The following ARMC1 variants were observed in gnomAD, a reference collection of about 807,000 sequenced individuals.
ARMC1 encodes the protein armadillo repeat-containing protein 1.
In ARMC1, 16 loss-of-function variants were observed where a neutral mutation model predicts 31.4. The ratio of observed to expected loss-of-function variants is 0.51; its 90% CI spans 0.34 to 0.77. The LOEUF (loss-of-function observed/expected upper bound fraction) is 0.77, where lower values mean the gene tolerates loss of function less well. Ranked by LOEUF, ARMC1 falls within the 30% of genes least tolerant of loss-of-function variation. ARMC1 has a pLI of 0.01. For synonymous variants in ARMC1, 114 were observed against 118.9 expected (o/e 0.96, Z 0.27); for missense variants, 259 against 347.5 (o/e 0.75, Z 2.02).
At chr8:65,633,382 C>G (rs1462679621) in intron 1 of ARMC1, among the ~76,000 whole-genome samples, 1 of 152,230 alleles carries the variant, frequency 6.6e-6, no homozygotes, top group African/African-American at 2.4e-5. Flanking sequence ...TCTCACATAA[C>G]AATCCTCAGC....
chr8:65,618,462 C>A (rs1210330575), intron 3 of ARMC1, among the ~76,000 whole-genome samples: 2 of 144,542 alleles, frequency 1.4e-5, no homozygotes, highest in Non-Finnish European at 3.0e-5. Flanking sequence ...GCAGAGCTTG[C>A]AGTGAGCCAA....
intron 3 of ARMC1, among the ~76,000 whole-genome samples, chr8:65,619,258 G>A (rs1474782347): frequency 6.6e-6 from 1 of 152,170 alleles, no homozygotes; most frequent in East Asian, 1.9e-4. Flanking sequence ...GAGCAGGCCA[G>A]GGGTGGTGAT....
At chr8:65,607,235 G>A (rs1563411695) in intron 4 of ARMC1, among the ~76,000 whole-genome samples, 1 of 152,232 alleles carries the variant, frequency 6.6e-6, no homozygotes, top group East Asian at 1.9e-4. Context: ...GCAGGGGCCT[G>A]CATTTGGTGA....
chr8:65,603,489 T>G lies in ARMC1; in HGVS notation c.*905A>C, dbSNP rs756854669. The G allele has an allele frequency of 6.6e-6, 1 of 152,200 alleles. No homozygotes were observed. Among genetic ancestry groups the G allele is most frequent in the Non-Finnish European group, 1.5e-5 (1 of 68,030 alleles). The allele number at this position is 152,200 out of a possible 1,614,324, so 9.4% of individuals were successfully genotyped here. Reference sequence around the variant, plus strand: ...GCATTATGGTATTATAGGCATTTGATTTTTGTTTTCTTATTTTCAGTTTGT... The same window carrying G: ...GCATTATGGTATTATAGGCATTTGAGTTTTGTTTTCTTATTTTCAGTTTGT... On this transcript the variant is annotated 3_prime_UTR_variant, in exon 7 of 7. Coordinates refer to ENST00000276569, the MANE Select transcript of ARMC1 (RefSeq NM_018120.6).
chr8:65,616,852 C>G (rs1403509920), intron 3 of ARMC1, among the ~76,000 whole-genome samples: 1 of 151,290 alleles, frequency 6.6e-6, no homozygotes, highest in African/African-American at 2.4e-5. Context: ...AGCCCCTCCA[C>G]CCGGCAGCCG....
rs542450366 is a variant in ARMC1 at position 65,617,143 on chromosome 8, C to T, written c.276-3710G>A. On this transcript the variant is annotated intron_variant, in intron 3 of 6. Transcript: ENST00000276569. ...GGTGTACCCAACAGCTCATTGAGAA[C>T]GGGCCATGATGACGATGGCGGTTTT... Among the ~76,000 whole-genome samples the T allele has an allele frequency of 3.3e-5, 5 of 152,348 alleles. No individual in the cohort carries two copies. The South Asian group carries it at 8.3e-4, about 25-fold the overall frequency.
intron 3 of ARMC1, among the ~76,000 whole-genome samples, chr8:65,618,576 G>C (rs80097085): frequency 0.019 from 2,837 of 147,126 alleles, 28 homozygotes; most frequent in African/African-American, 0.027. Flanking sequence ...AAAACTCCAA[G>C]TGAAAAGTTT....
intron 2 of ARMC1, among the ~76,000 whole-genome samples, chr8:65,624,147 A>G (rs1426964173): frequency 2.0e-5 from 3 of 152,148 alleles, no homozygotes; most frequent in Non-Finnish European, 4.4e-5. Flanking sequence ...AAAAACAAAA[A>G]TGAATCTATA....
intron 1 of ARMC1, among the ~76,000 whole-genome samples, chr8:65,627,839 C>T (rs747735204): frequency 2.0e-4 from 30 of 152,198 alleles, no homozygotes; most frequent in African/African-American, 2.4e-5. Context: ...GGCTAGTTTA[C>T]AGCTTTCTTA....
Position 65,630,509 on chromosome 8 carries a change from A to C in ARMC1, c.-35-3076T>G, listed in dbSNP as rs186273675. On this transcript the variant is annotated intron_variant, in intron 1 of 6. Coordinates refer to ENST00000276569, the MANE Select transcript of ARMC1 (RefSeq NM_018120.6). The stretch of plus-strand genomic sequence containing the variant: ...TCCTGTTCCTTTGGGATGAATAAAA[A>C]TCAAAACAACTAAAACTTCCAATCT... Among the ~76,000 whole-genome samples the C allele has an allele frequency of 4.7e-3, 722 of 152,286 alleles. 5 individuals carry two copies. The highest frequency in any genetic ancestry group is 0.016 in the African/African-American group (670 of 41,566).
rs1807956079 is a variant in ARMC1 at position 65,604,388 on chromosome 8, G to A, written c.*6C>T. 3 of 1,612,188 alleles carry A rather than the reference G, an allele frequency of 1.9e-6. No homozygotes were observed. The highest frequency in any genetic ancestry group is 1.3e-5 in the African/African-American group (1 of 74,898). The stretch of plus-strand genomic sequence containing the variant: ...GTTCACACAGTCCTTGAGCCCAAAA[G>A]TGAAGTCACCAATAAAATGATCTGG... On this transcript the variant is annotated 3_prime_UTR_variant, in exon 7 of 7. Transcript: ENST00000276569.
rs539015370 is a variant in ARMC1 at position 65,617,020 on chromosome 8, G to A, written c.276-3587C>T. On this transcript the variant is annotated intron_variant, in intron 3 of 6. Coordinates refer to ENST00000276569, the MANE Select transcript of ARMC1 (RefSeq NM_018120.6). ...GGGAGGCGGGGGGCAGCCCCCGCCC[G>A]GCCAGCCACCCCGTCCGGGAGGTGG... 3.7e-4 allele frequency among the ~76,000 whole-genome samples: 56 copies of A among 149,342 alleles called. No individual in the cohort carries two copies. In the East Asian group the frequency reaches 9.3e-3, roughly 25 times the overall value.
intron 4 of ARMC1, among the ~76,000 whole-genome samples, chr8:65,610,846 A>C (rs2129041468): frequency 6.6e-6 from 1 of 152,256 alleles, no homozygotes; most frequent in African/African-American, 2.4e-5. Context: ...TTTCTTCTTG[A>C]GTGAGCTTCG....
chr8:65,629,814 A>G (rs991493169), intron 1 of ARMC1, among the ~76,000 whole-genome samples: 1 of 150,796 alleles, frequency 6.6e-6, no homozygotes, highest in African/African-American at 2.4e-5. Flanking sequence ...AAAAAAAAAA[A>G]AAAATCAAAA....
At chr8:65,631,642 G>A (rs962774132) in intron 1 of ARMC1, among the ~76,000 whole-genome samples, 7 of 152,186 alleles carry the variant, frequency 4.6e-5, no homozygotes, top group African/African-American at 1.2e-4. Context: ...ACAGATAAAC[G>A]AAAGTTACAA....
chr8:65,610,425 G>A (rs1255069243), intron 4 of ARMC1, among the ~76,000 whole-genome samples: 2 of 124,948 alleles, frequency 1.6e-5, no homozygotes, highest in African/African-American at 6.2e-5. Context: ...GCCGGCTGCA[G>A]TGGTTCATGC....
chr8:65,610,000 C>T (rs993162690), intron 4 of ARMC1, among the ~76,000 whole-genome samples: 1 of 152,154 alleles, frequency 6.6e-6, no homozygotes, highest in Non-Finnish European at 1.5e-5. Context: ...TCTCTCTGTG[C>T]AAGGTAACTT....
Position 65,605,321 on chromosome 8 carries a change from A to C in ARMC1, c.599T>G (p.Ile200Arg). The change falls in exon 6 of 7, where the codon ATA (isoleucine) becomes AGA (arginine). Residue 200 changes from isoleucine (I) to arginine (R), a missense_variant. Around this residue, in one of 3 missense-constraint regions of ARMC1, gnomAD observed 73 missense variants for 100.0 expected, o/e 0.73. Coordinates refer to ENST00000276569, the MANE Select transcript of ARMC1 (RefSeq NM_018120.6). ...DLKAEALASA[I>R]ASTKVMKAQQ... ...AGCTTTCATAACCTTGGTTGATGCT[A>C]TTGCTGATGCCAAAGCCTAAGCCAA... The C allele has an allele frequency of 1.2e-6, 2 of 1,613,960 alleles. No homozygotes were observed. The highest frequency in any genetic ancestry group is 1.7e-6 in the Non-Finnish European group (2 of 1,179,970).
rs765378643 is a variant in ARMC1 at position 65,629,558 on chromosome 8, T to A, written c.-35-2125A>T. 9.7e-3 allele frequency among the ~76,000 whole-genome samples: 1,481 copies of A among 152,218 alleles called. 17 individuals are homozygous for A. The highest frequency in any genetic ancestry group is 0.034 in the Middle Eastern group (10 of 294). On this transcript the variant is annotated intron_variant, in intron 1 of 6. Coordinates refer to ENST00000276569, the MANE Select transcript of ARMC1 (RefSeq NM_018120.6). ...GCTCACACCTATAATCCCAGCACTT[T>A]GGGAGGCCAAGGCAGGCGGATCATG...
Sources: gnomAD v4.1 joint callset for allele counts (sites outside exome capture counted in the v4.1 genomes callset) on GRCh38, gnomAD v4.1.1 for gene constraint, gnomAD v4.1.1 regional missense constraint, MANE v1.5 for transcripts, NCBI Gene and HGNC (gene_info 2026-07-23, HGNC 2026-07-21) for gene names.